MDGA2: variants seen among roughly 807,000 people sequenced by gnomAD.
The protein encoded by MDGA2 is MAM domain-containing glycosylphosphatidylinositol anchor protein 2.
In MDGA2, 40 loss-of-function variants were observed where a neutral mutation model predicts 117.8. The observed-to-expected ratio is 0.34, with a 90% CI of 0.26 to 0.44. MDGA2 has a LOEUF of 0.44. Among genes scored for constraint, MDGA2 ranks in the 20% least tolerant of loss-of-function variants. MDGA2 has a pLI of 1.00. For synonymous variants in MDGA2, 452 were observed against 439.0 expected, an observed-to-expected ratio of 1.03 and a Z score of -0.37; for missense variants, 1,123 against 1,250.6, an observed-to-expected ratio of 0.90 and a Z score of 1.54.
At chr14:47,208,529 TC>T (rs1885768162) in intron 3 of MDGA2, among the ~76,000 whole-genome samples, 1 of 63,892 alleles carries the variant, frequency 1.6e-5, no homozygotes. Context: ...TTCTCTAAAC[TC>T]TTTTTTTTTT....
chr14:46,854,844 G>A (rs950887961), intron 15 of MDGA2, among the ~76,000 whole-genome samples, 180 bp downstream of exon 15: 1 of 151,778 alleles, frequency 6.6e-6, no homozygotes, highest in African/African-American at 2.4e-5. Flanking sequence ...ATGAATAAAG[G>A]AAAAGCGCAT....
At chr14:47,260,384 C>T (rs950288008) in intron 2 of MDGA2, among the ~76,000 whole-genome samples, 12 of 151,902 alleles carry the variant, frequency 7.9e-5, no homozygotes, top group South Asian at 2.1e-4. Flanking sequence ...AAGTGAAAGA[C>T]GACAGTCAAG....
chr14:46,929,667 T>C (rs1383872995), intron 9 of MDGA2, among the ~76,000 whole-genome samples: 4 of 88,584 alleles, frequency 4.5e-5, no homozygotes, highest in East Asian at 2.6e-4. Flanking sequence ...TTTTTTTTTT[T>C]CGAGATGGAC....
rs190006356 is a variant in MDGA2, at chr14:47,619,697, G to C, written c.280+54820C>G. On this transcript the variant is annotated intron_variant, in intron 1 of 16. Coordinates refer to ENST00000399232, the MANE Select transcript of MDGA2 (RefSeq NM_001113498.3). ...CAGGTCAAGCATAAGGAGCTATATT[G>C]CTCTTTTTGATTCTGGTACTGACGT... Among the ~76,000 whole-genome samples the C allele has an allele frequency of 1.4e-3, 217 of 152,248 alleles. 1 individual carries two copies. The highest frequency in any genetic ancestry group is 5.0e-3 in the African/African-American group (206 of 41,544).
chr14:47,134,390 T>C (rs1250857439), intron 4 of MDGA2, among the ~76,000 whole-genome samples: 1 of 152,070 alleles, frequency 6.6e-6, no homozygotes, highest in East Asian at 1.9e-4. Flanking sequence ...ATTAAATGAG[T>C]AAAATATAAT....
intron 10 of MDGA2, among the ~76,000 whole-genome samples, chr14:46,889,803 G>A (rs1297350279): frequency 6.6e-6 from 1 of 151,904 alleles, no homozygotes; most frequent in Non-Finnish European, 1.5e-5. Flanking sequence ...CTACTTGAGG[G>A]CTCCCCCAAG....
chr14:46,975,463 G>A (rs1886420272), intron 8 of MDGA2, among the ~76,000 whole-genome samples: 1 of 152,090 alleles, frequency 6.6e-6, no homozygotes, highest in African/African-American at 2.4e-5. Context: ...ACAGATGAAT[G>A]GATAAGCAAA....
chr14:47,373,785 T>A (rs1891417640), intron 1 of MDGA2, among the ~76,000 whole-genome samples: 1 of 152,168 alleles, frequency 6.6e-6, no homozygotes, highest in Admixed American at 6.6e-5. Flanking sequence ...CTAAATAACA[T>A]TCAATGTTGG....
chr14:47,129,112 T>A (rs1035792896), intron 5 of MDGA2, among the ~76,000 whole-genome samples: 1 of 152,010 alleles, frequency 6.6e-6, no homozygotes, highest in Non-Finnish European at 1.5e-5. Context: ...TTTATTATTA[T>A]ACTTTAAGTT....
At chr14:47,652,282 G>T (rs149700887) in intron 1 of MDGA2, among the ~76,000 whole-genome samples, 5 of 152,076 alleles carry the variant, frequency 3.3e-5, no homozygotes, top group African/African-American at 9.7e-5. Context: ...AATAAAGAAG[G>T]TTATTTACAC....
intron 15 of MDGA2, among the ~76,000 whole-genome samples, chr14:46,849,241 G>A (rs1880965199): frequency 1.3e-5 from 2 of 151,850 alleles, no homozygotes; most frequent in South Asian, 4.1e-4. Flanking sequence ...CTTCCACAAG[G>A]ACCTTTTTGA....
intron 7 of MDGA2, chr14:47,058,766 C>T (rs1889772813): frequency 3.0e-6 from 3 of 985,328 alleles, no homozygotes; most frequent in Non-Finnish European, 3.6e-6. Flanking sequence ...ATGTAATCAT[C>T]TTCAGTAACT....
intron 1 of MDGA2, among the ~76,000 whole-genome samples, chr14:47,382,549 T>C (rs1286503014): frequency 6.6e-6 from 1 of 152,196 alleles, no homozygotes; most frequent in Non-Finnish European, 1.5e-5. Context: ...GTGAAGGATA[T>C]GAACAGACAC....
At chr14:47,133,391 A>T (rs1168290845) in intron 4 of MDGA2, among the ~76,000 whole-genome samples, 2 of 151,976 alleles carry the variant, frequency 1.3e-5, no homozygotes, top group African/African-American at 4.8e-5. Context: ...AAAGTGATAC[A>T]TCTTACCTCT....
chr14:47,427,801 C>G (rs961309952), intron 1 of MDGA2, among the ~76,000 whole-genome samples: 2 of 151,828 alleles, frequency 1.3e-5, no homozygotes, highest in African/African-American at 4.9e-5. Flanking sequence ...GGAAGCCTCA[C>G]ATGGCTCTGC....
chr14:47,600,632 A>G (rs1253650742), intron 1 of MDGA2, among the ~76,000 whole-genome samples: 1 of 151,890 alleles, frequency 6.6e-6, no homozygotes, highest in African/African-American at 2.4e-5. Flanking sequence ...ATCTAAACCC[A>G]CAGGTGAGGA....
In MDGA2 at chr14:46,866,506, G is replaced by A. The variant is rs1048319238; in HGVS notation, c.2752+6927C>T. Among the ~76,000 whole-genome samples, 10 of 152,034 alleles carry A rather than the reference G, an allele frequency of 6.6e-5. No individual in the cohort carries two copies. In the East Asian group the frequency reaches 1.4e-3, roughly 21 times the overall value. ...GCAAGGACTTCATGTCTAAAACACT[G>A]AAAGCAATGGCAACCAAAGCCAAAA... On this transcript the variant is annotated intron_variant, in intron 14 of 16. Coordinates refer to ENST00000399232, the MANE Select transcript of MDGA2 (RefSeq NM_001113498.3).
At chr14:46,982,106 T>C (rs1429474577) in intron 8 of MDGA2, among the ~76,000 whole-genome samples, 2 of 152,222 alleles carry the variant, frequency 1.3e-5, no homozygotes, top group African/African-American at 4.8e-5. Context: ...ATTTGAGTGA[T>C]GTCACATACA....
intron 1 of MDGA2, among the ~76,000 whole-genome samples, chr14:47,344,815 T>C (rs916985277): frequency 5.3e-5 from 8 of 152,072 alleles, no homozygotes; most frequent in Admixed American, 2.6e-4. Context: ...TTTATTACAT[T>C]ATCATAAAAT....
Sources: gnomAD v4.1 joint callset for allele counts (sites outside exome capture counted in the v4.1 genomes callset) on GRCh38, gnomAD v4.1.1 for gene constraint, MANE v1.5 for transcripts, NCBI Gene and HGNC (gene_info 2026-07-23, HGNC 2026-07-21) for gene names.